Variants in SLC12A5 observed in about 807,000 individuals in gnomAD.
SLC12A5 encodes solute carrier family 12 member 5.
A neutral mutation model predicts 124.0 loss-of-function variants in SLC12A5; 18 were observed. The observed-to-expected ratio is 0.15, with a 90% CI of 0.10 to 0.22. The LOEUF (loss-of-function observed/expected upper bound fraction) is 0.22, where lower values mean the gene tolerates loss of function less well. SLC12A5 is among the 10% of genes least tolerant of loss of function. The pLI is 1.00. For synonymous variants in SLC12A5, 589 were observed against 568.0 expected (o/e 1.04, Z -0.53); for missense variants, 867 against 1,478.7 (o/e 0.59, Z 6.78).
chr20:46,038,601 G>C (rs6073994), intron 6 of SLC12A5, among the ~76,000 whole-genome samples: 1 of 152,198 alleles, frequency 6.6e-6, no homozygotes, highest in Non-Finnish European at 1.5e-5. Context: ...AAGTGATGCA[G>C]CTTCATTGAT....
rs1398731804 is a variant in SLC12A5 at position 46,051,719 on chromosome 20, C to T, written c.2226C>T (p.Cys742=). ...LMEAEKVKGF[C]QVVISSNLRD... is the part of the protein sequence containing the mutation. ...AGGCAGAGAAGGTGAAGGGCTTCTG[C>T]CAGGTGGTGATCTCCTCCAACTTGC... is the stretch of plus-strand genomic sequence containing the variant. The change falls in exon 18 of 26, where the codon TGC becomes TGT. Residue 742 remains cysteine (C), a synonymous_variant. Transcript: ENST00000243964. 5.3e-5 allele frequency: 85 copies of T among 1,609,702 alleles called. No homozygotes were observed. Among genetic ancestry groups the T allele is most frequent in the Non-Finnish European group, 7.1e-5 (84 of 1,178,052 alleles).
At chr20:46,025,910 C>T (rs906502796), upstream of SLC12A5, among the ~76,000 whole-genome samples, 5 of 152,086 alleles carry the variant, frequency 3.3e-5, no homozygotes, top group Admixed American at 1.3e-4. Flanking sequence ...AGTGGAGATG[C>T]GGAGGGAGAG....
intron 9 of SLC12A5, 125 bp from the exon 10 acceptor site, chr20:46,043,508 C>T (rs1600597375): frequency 8.3e-7 from 1 of 1,198,592 alleles, no homozygotes. Context: ...TCCAAGGTCT[C>T]ACACAAGCCA....
chr20:46,041,276 G>A, intron 7 of SLC12A5, 53 bp from the exon 8 acceptor site: 2 of 1,541,780 alleles, frequency 1.3e-6, no homozygotes, highest in South Asian at 1.1e-5. Flanking sequence ...GTATTGTGCA[G>A]CGAGGGCAAG....
intron 1 of SLC12A5, chr20:46,022,641 C>G (rs1474336611): frequency 2.5e-6 from 1 of 394,392 alleles, no homozygotes; most frequent in Non-Finnish European, 4.5e-6. Flanking sequence ...GATCCCGACT[C>G]TTGGGGACCC....
In SLC12A5 at chr20:46,035,469, G is replaced by T. The variant is rs760021614; in HGVS notation, c.213G>T (p.Leu71=). Residue 71 remains leucine (L), a synonymous_variant, in exon 3 of 26, where the codon CTG becomes CTT. Transcript: ENST00000243964. ...LLSGLANYTN[L]PQGSREHEEA... ...GTGGCCTGGCCAACTACACCAACCTGCCCCAGGGAAGTAGGGAGCATGAAG... is the reference window on the plus strand; with the variant it reads ...GTGGCCTGGCCAACTACACCAACCTTCCCCAGGGAAGTAGGGAGCATGAAG... The T allele has an allele frequency of 3.1e-6, 5 of 1,613,894 alleles. No individual in the cohort carries two copies. The highest frequency in any genetic ancestry group is 4.2e-6 in the Non-Finnish European group (5 of 1,179,946).
chr20:46,054,853 A>T, intron 20 of SLC12A5, 63 bp from the exon 21 acceptor site: 1 of 1,228,882 alleles, frequency 8.1e-7, no homozygotes, highest in South Asian at 1.2e-5. Context: ...CTGGGCTCAG[A>T]CCTCATGCTT....
intron 21 of SLC12A5, chr20:46,055,945 A>T (rs963880844): frequency 1.6e-6 from 1 of 640,278 alleles, no homozygotes; most frequent in Admixed American, 3.0e-5. Flanking sequence ...TTGTTGCCAG[A>T]TGAGGTCTGG....
intron 1 of SLC12A5, chr20:46,021,944 G>A (rs1273450097): frequency 2.8e-6 from 4 of 1,440,290 alleles, no homozygotes; most frequent in African/African-American, 1.5e-5. Context: ...GGGAGGGGCC[G>A]GGGCGGACCG....
chr20:46,042,853 G>A (rs538742541), intron 8 of SLC12A5, among the ~76,000 whole-genome samples: 58 of 152,148 alleles, frequency 3.8e-4, no homozygotes, highest in African/African-American at 1.4e-3. Context: ...GGTGGAGGGT[G>A]AGATCAATTT....
chr20:46,029,246 C>T lies in SLC12A5; in HGVS notation c.-99C>T. On this transcript the variant is annotated 5_prime_UTR_variant, in exon 1 of 26. Coordinates refer to ENST00000243964, the MANE Select transcript of SLC12A5 (RefSeq NM_020708.5). ...GCTTCTTCCTCCGTGGAGCGGAGAG[C>T]GAGACAGAGCTACAGCGAACGAGAG... 1 of 1,460,466 alleles carries T rather than the reference C, an allele frequency of 6.8e-7. No homozygotes were observed. Among genetic ancestry groups the T allele is most frequent in the Non-Finnish European group, 9.0e-7 (1 of 1,104,998 alleles). 90.5% of individuals were successfully genotyped at this position (1,460,466 alleles called of 1,614,324 possible).
At position 46,049,641 on chromosome 20, in the gene SLC12A5, G is replaced by A; in HGVS notation, c.2032G>A (p.Val678Met). ...KNWRPQLLVLVRVDQDQNVVH... is the reference protein window; with the variant it reads ...KNWRPQLLVLMRVDQDQNVVH... ...CTTCAGGCCACAGCTGCTGGTGCTG[G>A]TGCGTGTGGACCAAGACCAGAATGT... The change falls in exon 17 of 26, where the codon GTG (valine) becomes ATG (methionine). Residue 678 changes from valine to methionine, a missense_variant. Physicochemically the swap from Val to Met is conservative, Grantham distance 21 (BLOSUM62 1). Around this residue, in one of 9 missense-constraint regions of SLC12A5, gnomAD observed 38 missense variants for 36.2 expected, o/e 1.05. Transcript: ENST00000243964. 6.2e-7 allele frequency: 1 copy of A among 1,605,268 alleles called. No individual in the cohort carries two copies. The highest frequency in any genetic ancestry group is 8.5e-7 in the Non-Finnish European group (1 of 1,176,040).
chr20:46,036,845 G>C (rs767992492), intron 5 of SLC12A5, 50 bp downstream of exon 5: 2 of 1,607,328 alleles, frequency 1.2e-6, no homozygotes, highest in South Asian at 2.2e-5. Context: ...GTGGAAGGAG[G>C]GATAGTGCCC....
In SLC12A5 at chr20:46,057,638, C is replaced by A. The variant is rs372071218; in HGVS notation, c.*33C>A. The A allele has an allele frequency of 1.6e-5, 25 of 1,567,598 alleles. No individual in the cohort carries two copies. Among genetic ancestry groups the A allele is most frequent in the African/African-American group, 2.7e-5 (2 of 73,412 alleles). On this transcript the variant is annotated 3_prime_UTR_variant, in exon 26 of 26. Coordinates refer to ENST00000243964, the MANE Select transcript of SLC12A5 (RefSeq NM_020708.5). The surrounding 1 kb of genome is among the most constrained non-coding windows in gnomAD (Gnocchi z 7.1). ...GACCTGCCACCCGGGCCCGAGCGCG[C>A]CCGGCCCGCGGCTCCGGAGCCCTCG...
chr20:46,028,386 T>G (rs2084416452), upstream of SLC12A5, among the ~76,000 whole-genome samples: 2 of 152,164 alleles, frequency 1.3e-5, no homozygotes, highest in Admixed American at 6.5e-5. Flanking sequence ...CTGCCTCTTC[T>G]GCTCCTCCTC....
chr20:46,041,443 C>T lies in SLC12A5; in HGVS notation c.969C>T (p.Ser323=), dbSNP rs1186052510. 4 of 1,614,180 alleles carry T rather than the reference C, an allele frequency of 2.5e-6. No homozygotes were observed. Among genetic ancestry groups the T allele is most frequent in the East Asian group, 2.2e-5 (1 of 44,882 alleles). ...CACGGCTATGGGGCCTTTTCTGCTCCTCTCGCTTCCTCAACGCCACCTGTG... is the reference window on the plus strand; with the variant it reads ...CACGGCTATGGGGCCTTTTCTGCTCTTCTCGCTTCCTCAACGCCACCTGTG... The part of the protein sequence containing the change: ...VTTRLWGLFC[S]SRFLNATCDE... Residue 323 remains serine (S), a synonymous_variant, in exon 8 of 26, where the codon TCC becomes TCT. Transcript: ENST00000243964.
chr20:46,051,614 A>G (rs988749294), intron 17 of SLC12A5, 61 bp from the exon 18 acceptor site: 49 of 1,510,520 alleles, frequency 3.2e-5, no homozygotes, highest in Non-Finnish European at 1.9e-5. Context: ...GGAGGCTACA[A>G]TGGGCCCAGC....
intron 6 of SLC12A5, among the ~76,000 whole-genome samples, chr20:46,039,205 T>C (rs1221067747): frequency 6.6e-6 from 1 of 152,294 alleles, no homozygotes; most frequent in East Asian, 1.9e-4. Flanking sequence ...TGAAAATAAC[T>C]CTTGGAAGAA....
At position 46,059,125 on chromosome 20, in the gene SLC12A5, G is replaced by C. The variant is rs953572471; in HGVS notation, c.*1520G>C. On this transcript the variant is annotated 3_prime_UTR_variant, in exon 26 of 26. Coordinates refer to ENST00000243964, the MANE Select transcript of SLC12A5 (RefSeq NM_020708.5). Reference sequence around the variant, plus strand: ...TTCCCCTAGGGCACATTACTAAGGGGGTCAGGCACTGCATGCTCGTTCCAG... The same window carrying C: ...TTCCCCTAGGGCACATTACTAAGGGCGTCAGGCACTGCATGCTCGTTCCAG... The C allele has an allele frequency of 1.6e-4, 35 of 218,378 alleles. No individual in the cohort carries two copies. Among genetic ancestry groups the C allele is most frequent in the African/African-American group, 7.9e-4 (35 of 44,154 alleles). The allele number at this position is 218,378 out of a possible 1,614,324, so 13.5% of individuals were successfully genotyped here.
Sources: allele counts gnomAD v4.1 joint callset (sites outside exome capture counted in the v4.1 genomes callset), GRCh38; gene constraint gnomAD v4.1.1; regional missense constraint gnomAD v4.1.1; non-coding constraint Gnocchi (gnomAD v3.1); transcripts MANE v1.5; gene names NCBI Gene and HGNC (gene_info 2026-07-23, HGNC 2026-07-21).